Variants in NKAIN3 observed in about 807,000 individuals in gnomAD.
The protein encoded by NKAIN3 is sodium/potassium-transporting ATPase subunit beta-1-interacting protein 3.
In NKAIN3, 25 loss-of-function variants were observed where a neutral mutation model predicts 30.2. The ratio of observed to expected loss-of-function variants is 0.83; its 90% confidence interval spans 0.60 to 1.16. The LOEUF (loss-of-function observed/expected upper bound fraction) is 1.16, where lower values mean the gene tolerates loss of function less well. Ranked by LOEUF, NKAIN3 falls within the 50% of genes most tolerant of loss-of-function variation. NKAIN3 has a pLI of 0.00. For missense variants in NKAIN3, 225 were observed against 254.1 expected (o/e 0.89, Z 0.78); for synonymous variants, 91 against 89.6 (o/e 1.02, Z -0.09).
At chr8:62,331,150 C>G (rs1264039619) in intron 1 of NKAIN3, among the ~76,000 whole-genome samples, 1 of 147,472 alleles carries the variant, frequency 6.8e-6, no homozygotes, top group Non-Finnish European at 1.5e-5. Flanking sequence ...CTTCCACCCC[C>G]TCTTCCTCCC....
At chr8:62,798,236 T>C (rs763124270) in intron 4 of NKAIN3, among the ~76,000 whole-genome samples, 6 of 152,070 alleles carry the variant, frequency 3.9e-5, no homozygotes, top group Non-Finnish European at 7.4e-5. Flanking sequence ...GCTATGCATC[T>C]CCTGTTGGGT....
chr8:62,389,674 A>C (rs1167750569), intron 1 of NKAIN3, among the ~76,000 whole-genome samples: 1 of 152,232 alleles, frequency 6.6e-6, no homozygotes, highest in Non-Finnish European at 1.5e-5. Context: ...GAGTACATAC[A>C]GGTGGGTATG....
intron 4 of NKAIN3, among the ~76,000 whole-genome samples, chr8:62,817,239 A>C (rs1328278925): frequency 6.6e-6 from 1 of 152,164 alleles, no homozygotes; most frequent in Non-Finnish European, 1.5e-5. Flanking sequence ...TTGATGACCA[A>C]TTAAATGTGC....
chr8:62,903,514 G>C (rs766422688), intron 4 of NKAIN3, among the ~76,000 whole-genome samples: 2 of 152,086 alleles, frequency 1.3e-5, no homozygotes, highest in East Asian at 1.9e-4. Context: ...AGGCCTGGGT[G>C]ACAGTTGCAC....
At chr8:62,659,612 T>C (rs916150358) in intron 3 of NKAIN3, among the ~76,000 whole-genome samples, 5 of 152,146 alleles carry the variant, frequency 3.3e-5, no homozygotes, top group South Asian at 2.1e-4. Flanking sequence ...TGCTTCTTGA[T>C]TGTTGTGTAA....
intron 1 of NKAIN3, among the ~76,000 whole-genome samples, chr8:62,254,400 A>G (rs1433490136): frequency 6.6e-6 from 1 of 152,178 alleles, no homozygotes; most frequent in Non-Finnish European, 1.5e-5. Context: ...GAGAGAGAGT[A>G]CATAGTTGAG....
rs534177275 is a variant in NKAIN3 at position 62,248,954 on chromosome 8, C to T, written c.-120C>T. ...CCCCGAGCCCTGGAGCCGCGAGCGG[C>T]GGCCGCGGGGCCGAGGAGCCTGGGC... On this transcript the variant is annotated 5_prime_UTR_variant, in exon 1 of 7. Coordinates refer to ENST00000623646, the MANE Select transcript of NKAIN3 (RefSeq NM_001304533.3). The T allele has an allele frequency of 1.5e-5, 13 of 889,750 alleles. No individual in the cohort carries two copies. In the East Asian group the frequency reaches 3.7e-4, roughly 26 times the overall value. The allele number at this position is 889,750 out of a possible 1,614,324, so 55.1% of individuals were successfully genotyped here.
chr8:62,422,767 C>A (rs1010847107), intron 1 of NKAIN3, among the ~76,000 whole-genome samples: 20 of 152,050 alleles, frequency 1.3e-4, no homozygotes, highest in African/African-American at 4.8e-4. Flanking sequence ...AAACAATCCA[C>A]TATTATCTCT....
chr8:62,785,911 A>C (rs766310697), intron 4 of NKAIN3, among the ~76,000 whole-genome samples: 1 of 152,162 alleles, frequency 6.6e-6, no homozygotes, highest in African/African-American at 2.4e-5. Context: ...AGGCAATTAA[A>C]GTGTCTTTCG....
chr8:62,318,980 G>T (rs1413541860), intron 1 of NKAIN3, among the ~76,000 whole-genome samples: 1 of 152,026 alleles, frequency 6.6e-6, no homozygotes, highest in Non-Finnish European at 1.5e-5. Context: ...TTTTTGGTTG[G>T]TAAGCTATTA....
intron 4 of NKAIN3, among the ~76,000 whole-genome samples, chr8:62,782,602 T>A (rs1055575223): frequency 1.6e-4 from 24 of 151,642 alleles, no homozygotes; most frequent in African/African-American, 5.8e-4. Context: ...TAAAATAGAA[T>A]AAAGTCATGT....
At chr8:62,848,176 TA>T (rs1322808050) in intron 4 of NKAIN3, among the ~76,000 whole-genome samples, 3 of 152,144 alleles carry the variant, frequency 2.0e-5, no homozygotes, top group East Asian at 3.8e-4. Context: ...TTTCTGGTTT[TA>T]TGAATTTTAA....
intron 4 of NKAIN3, among the ~76,000 whole-genome samples, chr8:62,904,633 A>G (rs529488309): frequency 3.9e-5 from 6 of 152,208 alleles, no homozygotes; most frequent in Middle Eastern, 6.3e-3. Context: ...AATTGCTACC[A>G]TGCTGGAGTT....
At chr8:62,468,052 C>A (rs183716449) in intron 1 of NKAIN3, among the ~76,000 whole-genome samples, 1 of 152,218 alleles carries the variant, frequency 6.6e-6, no homozygotes, top group East Asian at 1.9e-4. Flanking sequence ...TTGAGTTTAA[C>A]CAGCACATTT....
intron 1 of NKAIN3, among the ~76,000 whole-genome samples, chr8:62,361,585 G>A (rs1816566175): frequency 6.6e-6 from 1 of 152,168 alleles, no homozygotes; most frequent in Non-Finnish European, 1.5e-5. Flanking sequence ...TAACTCAATT[G>A]TTTTAGAAAG....
chr8:62,269,766 T>A (rs1018117150), intron 1 of NKAIN3, among the ~76,000 whole-genome samples: 1 of 152,180 alleles, frequency 6.6e-6, no homozygotes, highest in Non-Finnish European at 1.5e-5. Context: ...AACTTTGACT[T>A]GTGTGGCATT....
At chr8:62,288,169 C>T (rs540875294) in intron 1 of NKAIN3, among the ~76,000 whole-genome samples, 69 of 152,222 alleles carry the variant, frequency 4.5e-4, no homozygotes, top group African/African-American at 1.6e-3. Flanking sequence ...ACATGTCCTG[C>T]GTGTTGGACT....
At chr8:62,769,914 A>T (rs77439544) in intron 4 of NKAIN3, among the ~76,000 whole-genome samples, 2 of 152,080 alleles carry the variant, frequency 1.3e-5, no homozygotes, top group Non-Finnish European at 2.9e-5. Context: ...AACTTTCTCT[A>T]TTGGTGGATG....
chr8:62,598,570 C>T lies in NKAIN3; in HGVS notation c.273+8776C>T, dbSNP rs572858295. 2.6e-5 allele frequency among the ~76,000 whole-genome samples: 4 copies of T among 152,118 alleles called. No individual in the cohort carries two copies. The South Asian group carries it at 8.3e-4, about 32-fold the overall frequency. The stretch of plus-strand genomic sequence containing the variant: ...CCTGGTATAAGAGGAAGTTCTTAAC[C>T]ACGTTTCCACCCTGCTACATAGGGG... On this transcript the variant is annotated intron_variant, in intron 3 of 6. Coordinates refer to ENST00000623646, the MANE Select transcript of NKAIN3 (RefSeq NM_001304533.3).
Sources: allele counts gnomAD v4.1 joint callset (sites outside exome capture counted in the v4.1 genomes callset), GRCh38; gene constraint gnomAD v4.1.1; transcripts MANE v1.5; gene names NCBI Gene and HGNC (gene_info 2026-07-23, HGNC 2026-07-21).